The following PAFAH1B2 variants were observed in gnomAD, a reference collection of about 807,000 sequenced individuals.
PAFAH1B2 encodes the protein platelet activating factor acetylhydrolase 1b catalytic subunit 2.
Under a neutral mutation model 28.0 loss-of-function variants are expected in PAFAH1B2, and 8 were observed. The observed-to-expected ratio is 0.29, with a 90% confidence interval of 0.17 to 0.52. The LOEUF (loss-of-function observed/expected upper bound fraction) is 0.52. Ranked by LOEUF, PAFAH1B2 falls within the 20% of genes least tolerant of loss-of-function variation. The pLI is 0.97. For missense variants in PAFAH1B2, 190 were observed against 282.6 expected (o/e 0.67, Z 2.35); for synonymous variants, 104 against 103.2 (o/e 1.01, Z -0.05).
At chr11:117,162,438 G>A (rs1431530383) in intron 4 of PAFAH1B2, among the ~76,000 whole-genome samples, 2 of 135,842 alleles carry the variant, frequency 1.5e-5, no homozygotes, top group South Asian at 2.3e-4. Context: ...GCTACCATGC[G>A]AGACTGTGAT....
intron 4 of PAFAH1B2, among the ~76,000 whole-genome samples, chr11:117,162,445 T>TG (rs897265877): frequency 6.8e-5 from 5 of 73,682 alleles, no homozygotes; most frequent in African/African-American, 2.4e-4. Flanking sequence ...TGCGAGACTG[T>TG]GATTTTTTTT....
intron 5 of PAFAH1B2, among the ~76,000 whole-genome samples, chr11:117,165,455 A>T (rs1956484279): frequency 6.6e-6 from 1 of 152,182 alleles, no homozygotes; most frequent in Non-Finnish European, 1.5e-5. Context: ...GGTGTTAGGA[A>T]GATAGTCATT....
intron 2 of PAFAH1B2, 55 bp from the exon 3 acceptor site, chr11:117,159,878 AC>A: frequency 7.7e-7 from 1 of 1,300,370 alleles, no homozygotes; most frequent in Non-Finnish European, 1.1e-6. Flanking sequence ...AGCATGGGCC[AC>A]CACACCCAGC....
downstream of PAFAH1B2, chr11:117,177,028 T>TA (rs1339283526): frequency 5.3e-5 from 8 of 151,826 alleles, no homozygotes; most frequent in African/African-American, 1.9e-4. Context: ...ACCAATATGG[T>TA]GAAACCCCGT....
chr11:117,163,046 A>T (rs1039693635), intron 4 of PAFAH1B2, among the ~76,000 whole-genome samples: 1 of 152,188 alleles, frequency 6.6e-6, no homozygotes, highest in African/African-American at 2.4e-5. Context: ...TTGGATTTTG[A>T]GAAATCAGCT....
intron 2 of PAFAH1B2, among the ~76,000 whole-genome samples, chr11:117,157,119 A>G (rs897106131): frequency 6.6e-6 from 1 of 152,038 alleles, no homozygotes; most frequent in Non-Finnish European, 1.5e-5. Flanking sequence ...CCTATTCACT[A>G]AACTTTTATT....
At chr11:117,165,933 G>A (rs772965757) in intron 5 of PAFAH1B2, among the ~76,000 whole-genome samples, 6 of 151,766 alleles carry the variant, frequency 4.0e-5, no homozygotes, top group Non-Finnish European at 7.4e-5. Context: ...TCCGCCTCCC[G>A]GGTTCAAGTG....
chr11:117,175,592 T>C, downstream of PAFAH1B2: 3 of 1,164,322 alleles, frequency 2.6e-6, no homozygotes, highest in Non-Finnish European at 2.1e-6. Flanking sequence ...ACAGAAATAG[T>C]GATAGTCCAC....
chr11:117,166,360 C>T (rs1306032232), intron 5 of PAFAH1B2, among the ~76,000 whole-genome samples: 2 of 152,168 alleles, frequency 1.3e-5, no homozygotes, highest in African/African-American at 2.4e-5. Context: ...ATGAATGTTG[C>T]TCAATAAGCC....
intron 3 of PAFAH1B2, 26 bp from the exon 4 acceptor site, chr11:117,161,119 A>G: frequency 1.4e-6 from 2 of 1,435,678 alleles, no homozygotes; most frequent in African/African-American, 1.4e-5. Context: ...TTTTAGGTAC[A>G]CTAAATCAAG....
chr11:117,176,058 C>G (rs2029966001), exon 6 of PAFAH1B2: 3 of 811,780 alleles, frequency 3.7e-6, no homozygotes, highest in African/African-American at 3.4e-5. Flanking sequence ...TTCTCTGATT[C>G]ATATTCGCCT....
In PAFAH1B2 at chr11:117,167,834, G is replaced by C; in HGVS notation, c.*135G>C. On this transcript the variant is annotated 3_prime_UTR_variant, in exon 6 of 6. Coordinates refer to ENST00000527958, the MANE Select transcript of PAFAH1B2 (RefSeq NM_002572.4). ...GGATGTTCATATCTAGTGTTTGAAGGGGAGGAGGGATTTAAACTGGTCCTG... is the reference window on the plus strand; with the variant it reads ...GGATGTTCATATCTAGTGTTTGAAGCGGAGGAGGGATTTAAACTGGTCCTG... 7.8e-7 allele frequency: 1 copy of C among 1,277,642 alleles called. No homozygotes were observed. The allele number at this position is 1,277,642 out of a possible 1,614,324, so 79.1% of individuals were successfully genotyped here.
rs151286160 is a variant in PAFAH1B2, at chr11:117,152,131, A to G, written c.-7-310A>G. ...CCTTGTGTCACTTGGTACTTACAGT[A>G]ACATATAATCACAAAAAACTAATAT... On this transcript the variant is annotated intron_variant, in intron 1 of 5. Transcript: ENST00000527958. Among the ~76,000 whole-genome samples, 737 of 152,342 alleles carry G rather than the reference A, an allele frequency of 4.8e-3. 6 individuals carry two copies. The highest frequency in any genetic ancestry group is 0.017 in the African/African-American group (700 of 41,576).
At chr11:117,161,102 C>T (rs1158745799) in intron 3 of PAFAH1B2, 43 bp from the exon 4 acceptor site, 2 of 1,235,320 alleles carry the variant, frequency 1.6e-6, no homozygotes, top group East Asian at 2.4e-5. Flanking sequence ...ATTAAACTTT[C>T]CCCTAGTTTT....
chr11:117,167,362 A>T (rs1409663688), intron 5 of PAFAH1B2, 59 bp from the exon 6 acceptor site: 26 of 1,469,118 alleles, frequency 1.8e-5, no homozygotes, highest in Non-Finnish European at 2.3e-5. Context: ...GAAGTTATAA[A>T]TAATAAGTAG....
chr11:117,153,883 G>C (rs1956207821), intron 2 of PAFAH1B2, among the ~76,000 whole-genome samples: 1 of 151,050 alleles, frequency 6.6e-6, no homozygotes, highest in African/African-American at 2.4e-5. Flanking sequence ...TTAATCCAAA[G>C]ACCATATTCA....
intron 3 of PAFAH1B2, among the ~76,000 whole-genome samples, chr11:117,160,779 CTT>C (rs113638567): frequency 3.6e-4 from 51 of 142,872 alleles, no homozygotes; most frequent in Non-Finnish European, 4.2e-4. Context: ...TAAAAGATAG[CTT>C]TTTTTTTTTT....
intron 2 of PAFAH1B2, 71 bp downstream of exon 2, chr11:117,152,599 T>C (rs1002669350): frequency 9.2e-5 from 105 of 1,138,914 alleles, no homozygotes; most frequent in Non-Finnish European, 1.3e-4. Context: ...TGTTTTAGTT[T>C]TTGAGACAAG....
Position 117,152,495 on chromosome 11 carries a change from A to G in PAFAH1B2, c.48A>G (p.Glu16=). 1 of 1,613,868 alleles carries G rather than the reference A, an allele frequency of 6.2e-7. No homozygotes were observed. Among genetic ancestry groups the G allele is most frequent in the Non-Finnish European group, 8.5e-7 (1 of 1,179,710 alleles). The change falls in exon 2 of 6, where the codon GAA becomes GAG. Residue 16 remains glutamate (E), a synonymous_variant. Transcript: ENST00000527958. ...SNPAAIPHAA[E]DIQGDDRWMS... The stretch of plus-strand genomic sequence containing the variant: ...CAGCAGCTATTCCGCATGCAGCAGA[A>G]GATATTCAAGGAGATGACCGATGGA...
Sources: allele counts gnomAD v4.1 joint callset (sites outside exome capture counted in the v4.1 genomes callset), GRCh38; gene constraint gnomAD v4.1.1; transcripts MANE v1.5; gene names NCBI Gene and HGNC (gene_info 2026-07-23, HGNC 2026-07-21).